Variants in ALDH8A1 observed in about 807,000 individuals in gnomAD.
The protein encoded by ALDH8A1 is aldehyde dehydrogenase 8 family member A1, also known as 2-aminomuconic semialdehyde dehydrogenase.
Under a neutral mutation model 43.3 loss-of-function variants are expected in ALDH8A1, and 39 were observed. That is an observed-to-expected ratio of 0.90 (90% CI 0.70 to 1.18). The LOEUF is 1.18. Among genes scored for constraint, ALDH8A1 ranks in the 50% most tolerant of loss-of-function variants. The probability of loss-of-function intolerance (pLI) is 0.00; values close to 1 mark genes in which losing one functional copy is unlikely to be tolerated. For synonymous variants in ALDH8A1, 233 were observed against 243.5 expected (o/e 0.96, Z 0.40); for missense variants, 605 against 622.6 (o/e 0.97, Z 0.30).
intron 5 of ALDH8A1, 128 bp from the exon 6 acceptor site, chr6:134,929,343 C>T (rs1776941966): frequency 1.1e-6 from 1 of 890,654 alleles, no homozygotes; most frequent in East Asian, 2.8e-5. Context: ...GTAAATAAGA[C>T]AAAGTTCCCA....
intron 6 of ALDH8A1, among the ~76,000 whole-genome samples, chr6:134,923,004 A>C (rs902440960): frequency 2.6e-5 from 4 of 152,062 alleles, no homozygotes; most frequent in Admixed American, 1.3e-4. Flanking sequence ...ACATTCTATA[A>C]ATCTTAAATT....
rs1431011940 is a variant in ALDH8A1 at position 134,929,067 on chromosome 6, G to A, written c.998C>T (p.Ala333Val). The change falls in exon 6 of 7, where the codon GCA becomes GTA. Residue 333 changes from alanine (A) to valine (V), a missense_variant. Physicochemically the swap from Ala to Val is moderately conservative, Grantham distance 64. Coordinates refer to ENST00000265605, the MANE Select transcript of ALDH8A1 (RefSeq NM_022568.4). The part of the protein sequence containing the change: ...LVSIGALISK[A>V]HLEKVRSYVK... ...AAATTTACTTACTTTCTCCAAATGT[G>A]CTTTACTTATCAGAGCACCTATGCT... The A allele has an allele frequency of 1.9e-6, 3 of 1,613,320 alleles. No individual in the cohort carries two copies. Among genetic ancestry groups the A allele is most frequent in the Admixed American group, 3.3e-5 (2 of 59,834 alleles).
rs566069802 is a variant in ALDH8A1 at position 134,944,011 on chromosome 6, T to C, written c.139-45A>G. ...GAAAGGGTCACCTTAAAGCTGTTAG[T>C]CCTTGGGGGATGGACAAAACCAGAA... On this transcript the variant is annotated intron_variant, in intron 1 of 6. Coordinates refer to ENST00000265605, the MANE Select transcript of ALDH8A1 (RefSeq NM_022568.4). 45 of 1,576,916 alleles carry C rather than the reference T, an allele frequency of 2.9e-5. No homozygotes were observed. In the Admixed American group the frequency reaches 7.2e-4, roughly 25 times the overall value.
rs1305733498 is a variant in ALDH8A1, at chr6:134,942,468, C to T, written c.383G>A (p.Cys128Tyr). 1.2e-6 allele frequency: 2 copies of T among 1,614,188 alleles called. No homozygotes were observed. The highest frequency in any genetic ancestry group is 2.2e-5 in the South Asian group (2 of 91,064). The change falls in exon 3 of 7, where the codon TGC becomes TAC. Residue 128 changes from cysteine (C) to tyrosine (Y), a missense_variant. By Grantham distance (194) the Cys-to-Tyr change is radical (BLOSUM62 -2). Coordinates refer to ENST00000265605, the MANE Select transcript of ALDH8A1 (RefSeq NM_022568.4). ...ASSSLHHTSE[C>Y]TQMDHLGCMH... ...GCAGCCCAGGTGGTCCATCTGCGTG[C>T]ACTCTGACGTGTGGTGCAGGCTGGA...
At chr6:134,921,738 C>T (rs1029528695) in intron 6 of ALDH8A1, among the ~76,000 whole-genome samples, 3 of 152,206 alleles carry the variant, frequency 2.0e-5, no homozygotes, top group African/African-American at 7.2e-5. Context: ...ACTGCAGGGG[C>T]AGAGAGTGCT....
chr6:134,950,007 C>T lies in ALDH8A1; in HGVS notation c.47G>A (p.Gly16Glu). The change falls in exon 1 of 7, where the codon GGA (glycine) becomes GAA (glutamate). Residue 16 changes from glycine to glutamate, a missense_variant. Transcript: ENST00000265605. The stretch of plus-strand genomic sequence containing the variant: ...ATATGAGCTACAAGGTAAAAATTTT[C>T]CATCTATGAAGTTTTCCAGCATCAA... Reference protein sequence around the residue: ...ALLMLENFIDGKFLPCSSYID... With the variant: ...ALLMLENFIDEKFLPCSSYID... The T allele has an allele frequency of 6.2e-7, 1 of 1,613,026 alleles. No homozygotes were observed. The highest frequency in any genetic ancestry group is 1.3e-5 in the African/African-American group (1 of 75,008).
chr6:134,949,822 C>T (rs2114716884), intron 1 of ALDH8A1, 94 bp downstream of exon 1: 1 of 1,388,496 alleles, frequency 7.2e-7, no homozygotes. Flanking sequence ...AATCCTACAT[C>T]TTCCCCCAAC....
At chr6:134,932,467 C>A (rs148676549) in intron 5 of ALDH8A1, among the ~76,000 whole-genome samples, 2 of 152,102 alleles carry the variant, frequency 1.3e-5, no homozygotes, top group Non-Finnish European at 2.9e-5. Context: ...CAAGACAGGG[C>A]AGCTGTGTGA....
chr6:134,936,685 C>T (rs188400705), intron 4 of ALDH8A1, among the ~76,000 whole-genome samples: 5 of 152,200 alleles, frequency 3.3e-5, no homozygotes, highest in Non-Finnish European at 7.3e-5. Context: ...ACTGCGGCAG[C>T]GGATTGCTTT....
chr6:134,932,072 G>A (rs1183482916), intron 5 of ALDH8A1, among the ~76,000 whole-genome samples: 1 of 152,184 alleles, frequency 6.6e-6, no homozygotes, highest in South Asian at 2.1e-4. Flanking sequence ...CAGGGTTTAT[G>A]TACACCTGCT....
chr6:134,919,281 CT>C (rs1428623910), intron 6 of ALDH8A1, among the ~76,000 whole-genome samples: 4 of 152,234 alleles, frequency 2.6e-5, no homozygotes, highest in African/African-American at 9.6e-5. Context: ...CAGGTATATT[CT>C]GTAGTTAAAT....
rs187066845 is a variant in ALDH8A1 at position 134,948,144 on chromosome 6, A to C, written c.138+1772T>G. On this transcript the variant is annotated intron_variant, in intron 1 of 6. Coordinates refer to ENST00000265605, the MANE Select transcript of ALDH8A1 (RefSeq NM_022568.4). ...GGATATTACGTTAAGTGAAGTAAGC[A>C]AGGCACAAAAATACAAATATTACAT... 3.8e-3 allele frequency among the ~76,000 whole-genome samples: 585 copies of C among 152,320 alleles called. 3 individuals are homozygous for C. Among genetic ancestry groups the C allele is most frequent in the African/African-American group, 0.013 (524 of 41,566 alleles).
intron 5 of ALDH8A1, among the ~76,000 whole-genome samples, chr6:134,931,485 AGC>A (rs3830730): frequency 0.16 from 24,359 of 152,052 alleles, 3,018 homozygotes; most frequent in African/African-American, 0.33. Flanking sequence ...GCTGGTCTCG[AGC>A]GCTCCTAACC....
At chr6:134,940,589 A>G (rs907049766) in intron 3 of ALDH8A1, among the ~76,000 whole-genome samples, 1 of 152,184 alleles carries the variant, frequency 6.6e-6, no homozygotes, top group African/African-American at 2.4e-5. Flanking sequence ...CTAGATTGTC[A>G]CTTGTATCCT....
At position 134,927,307 on chromosome 6, in the gene ALDH8A1, AAAGAAG is replaced by A. The variant is rs530045910; in HGVS notation, c.1011+1741_1011+1746del. Among the ~76,000 whole-genome samples, 1,336 of 147,948 alleles carry A rather than the reference AAAGAAG, an allele frequency of 9.0e-3. 16 individuals carry two copies. The highest frequency in any genetic ancestry group is 0.034 in the African/African-American group (1,273 of 37,660). The stretch of plus-strand genomic sequence containing the variant: ...TTCAGTTTAGTACATGTTAAAAAAG[AAAGAAG>A]AAGAAGAAGAAGAAGAAGCCTCCTG... On this transcript the variant is annotated intron_variant, in intron 6 of 6. Coordinates refer to ENST00000265605, the MANE Select transcript of ALDH8A1 (RefSeq NM_022568.4).
chr6:134,931,357 G>A (rs1404290158), intron 5 of ALDH8A1, among the ~76,000 whole-genome samples: 1 of 152,096 alleles, frequency 6.6e-6, no homozygotes, highest in Non-Finnish European at 1.5e-5. Context: ...TCCACCTCCC[G>A]GATTTAAGAG....
rs575372532 is a variant in ALDH8A1, at chr6:134,934,369, C to T, written c.593-1337G>A. On this transcript the variant is annotated intron_variant, in intron 4 of 6. Transcript: ENST00000265605. ...AGAAATGGATAATCTATTCCTTTAT[C>T]GCCTTTAGCTAACCATCTGAAACTG... Among the ~76,000 whole-genome samples, 10 of 152,292 alleles carry T rather than the reference C, an allele frequency of 6.6e-5. No individual in the cohort carries two copies. In the South Asian group the frequency reaches 1.5e-3, roughly 22 times the overall value.
chr6:134,923,838 A>G (rs935193181), intron 6 of ALDH8A1, among the ~76,000 whole-genome samples: 7 of 152,218 alleles, frequency 4.6e-5, no homozygotes, highest in African/African-American at 1.4e-4. Context: ...TGGTAAAAAC[A>G]TGGTGTATGA....
At position 134,918,424 on chromosome 6, in the gene ALDH8A1, A is replaced by G; in HGVS notation, c.1455T>C (p.Val485=). The change falls in exon 7 of 7, where the codon GTT becomes GTC. Residue 485 remains valine (V), a synonymous_variant. Transcript: ENST00000265605. ...CCACCATTAGCAAAGATCAGTGTTT[A>G]ACGGTGATGGTTTTGATCTCAGTGA... The part of the protein sequence containing the change: ...DFFTEIKTIT[V]KH The G allele has an allele frequency of 1.2e-6, 2 of 1,614,082 alleles. No individual in the cohort carries two copies. Among genetic ancestry groups the G allele is most frequent in the Non-Finnish European group, 1.7e-6 (2 of 1,179,942 alleles).
Sources: allele counts gnomAD v4.1 joint callset (sites outside exome capture counted in the v4.1 genomes callset), GRCh38; gene constraint gnomAD v4.1.1; transcripts MANE v1.5; gene names NCBI Gene and HGNC (gene_info 2026-07-23, HGNC 2026-07-21).